RGL1: variants seen among roughly 807,000 people sequenced by gnomAD.
RGL1 encodes the protein ral guanine nucleotide dissociation stimulator-like 1.
Under a neutral mutation model 95.2 loss-of-function variants are expected in RGL1, and 24 were observed. The observed-to-expected ratio is 0.25, with a 90% confidence interval of 0.18 to 0.35. The LOEUF (loss-of-function observed/expected upper bound fraction) is 0.35. Among genes scored for constraint, RGL1 ranks in the 10% least tolerant of loss-of-function variants. RGL1 has a pLI of 1.00. For synonymous variants in RGL1, 329 were observed against 344.9 expected (o/e 0.95, Z 0.51); for missense variants, 715 against 936.3 (o/e 0.76, Z 3.08).
At chr1:183,772,376 C>T (rs2102332908) in intron 2 of RGL1, among the ~76,000 whole-genome samples, 1 of 152,306 alleles carries the variant, frequency 6.6e-6, no homozygotes, top group East Asian at 1.9e-4. Context: ...AAGAAGCGAG[C>T]CACACCTCCG....
upstream of RGL1, among the ~76,000 whole-genome samples, chr1:183,804,837 T>C (rs1215785438): frequency 3.9e-5 from 6 of 152,250 alleles, no homozygotes; most frequent in Non-Finnish European, 7.3e-5. Context: ...TTGGACTTTC[T>C]CCTTCCATTG....
chr1:183,665,830 A>G lies in RGL1; in HGVS notation c.-33+29329A>G, dbSNP rs552205010. Among the ~76,000 whole-genome samples, 64 of 152,180 alleles carry G rather than the reference A, an allele frequency of 4.2e-4. 1 individual carries two copies. The highest frequency in any genetic ancestry group is 4.1e-3 in the Admixed American group (63 of 15,282). ...GATTTTATTGATCTAAAGAAAACCT[A>G]TCAGCTTTCGGTTTAATGATTTTCT... On this transcript the variant is annotated intron_variant, in intron 1 of 18. Coordinates refer to the RGL1 transcript ENST00000304685.
chr1:183,715,893 T>C (rs926616321), intron 1 of RGL1, among the ~76,000 whole-genome samples: 2 of 152,110 alleles, frequency 1.3e-5, no homozygotes, highest in Non-Finnish European at 2.9e-5. Flanking sequence ...GATGTTGTAG[T>C]TCTAGTGCAA....
chr1:183,883,683 G>T, intron 5 of RGL1, 103 bp from the exon 6 acceptor site: 2 of 1,309,102 alleles, frequency 1.5e-6, no homozygotes, highest in Non-Finnish European at 2.1e-6. Flanking sequence ...TGTTCTGGAG[G>T]ATTGGCCCTC....
At chr1:183,742,713 G>GGT (rs373037051) in intron 2 of RGL1, among the ~76,000 whole-genome samples, 2 of 151,830 alleles carry the variant, frequency 1.3e-5, no homozygotes, top group Non-Finnish European at 2.9e-5. Context: ...ATTTGTGGGG[G>GGT]GTGTGTGTGT....
intron 1 of RGL1, among the ~76,000 whole-genome samples, chr1:183,732,797 T>TA (rs376179638): frequency 7.2e-5 from 11 of 152,302 alleles, no homozygotes; most frequent in African/African-American, 2.4e-4. Flanking sequence ...TCTAATTGAG[T>TA]AACCATTGAA....
At chr1:183,757,620 A>G (rs1471159916) in intron 2 of RGL1, among the ~76,000 whole-genome samples, 2 of 152,192 alleles carry the variant, frequency 1.3e-5, no homozygotes, top group Non-Finnish European at 2.9e-5. Flanking sequence ...GAATATTGAG[A>G]CTGAATAATA....
chr1:183,653,271 G>C (rs1650902603), intron 1 of RGL1: 3 of 152,248 alleles, frequency 2.0e-5, no homozygotes, highest in Non-Finnish European at 1.5e-5. Flanking sequence ...GCTGTTCCAA[G>C]TTAGAAAGCC....
In RGL1 at chr1:183,841,440, T is replaced by C. The variant is rs370547163; in HGVS notation, c.139-6126T>C. ...AAGTGACTTCCCACCCAATATTAGGTTAGCACAAAGGTGATTGTGACAAGT... is the reference window on the plus strand; with the variant it reads ...AAGTGACTTCCCACCCAATATTAGGCTAGCACAAAGGTGATTGTGACAAGT... On this transcript the variant is annotated intron_variant, in intron 2 of 17. Transcript: ENST00000360851. Among the ~76,000 whole-genome samples, 4 of 152,238 alleles carry C rather than the reference T, an allele frequency of 2.6e-5. No homozygotes were observed. The East Asian group carries it at 7.7e-4, about 29-fold the overall frequency.
intron 10 of RGL1, among the ~76,000 whole-genome samples, chr1:183,899,927 C>T (rs1667920713): frequency 6.6e-6 from 1 of 152,168 alleles, no homozygotes; most frequent in African/African-American, 2.4e-5. Context: ...TGTATGATCT[C>T]CTGGCTTTGA....
At chr1:183,777,788 T>C (rs1389918649) in intron 2 of RGL1, among the ~76,000 whole-genome samples, 1 of 152,216 alleles carries the variant, frequency 6.6e-6, no homozygotes, top group Non-Finnish European at 1.5e-5. Context: ...TCCTGGCCAT[T>C]AGCTTTTAAT....
At position 183,922,346 on chromosome 1, in the gene RGL1, C is replaced by A; in HGVS notation, c.2119+10C>A. The A allele has an allele frequency of 6.2e-7, 1 of 1,601,704 alleles. No individual in the cohort carries two copies. Among genetic ancestry groups the A allele is most frequent in the Non-Finnish European group, 8.5e-7 (1 of 1,170,054 alleles). ...ATCTCGGAGGACAAAGGTGGGCATC[C>A]TTCCGAGACAGGCATGTTCCTTCCC... On this transcript the variant is annotated intron_variant, in intron 17 of 17. Coordinates refer to ENST00000360851, the MANE Select transcript of RGL1 (RefSeq NM_001297671.3).
At chr1:183,720,920 G>C (rs1655981826) in intron 1 of RGL1, among the ~76,000 whole-genome samples, 1 of 152,154 alleles carries the variant, frequency 6.6e-6, no homozygotes. Flanking sequence ...GACTTGGAGA[G>C]AGCTCTGATT....
At chr1:183,819,375 A>C (rs909085698) in intron 2 of RGL1, among the ~76,000 whole-genome samples, 2 of 152,156 alleles carry the variant, frequency 1.3e-5, no homozygotes, top group African/African-American at 4.8e-5. Context: ...GCAAAAGGAG[A>C]CTTAATAAGT....
At chr1:183,780,613 T>C (rs973622996) in intron 2 of RGL1, among the ~76,000 whole-genome samples, 9 of 152,240 alleles carry the variant, frequency 5.9e-5, no homozygotes, top group African/African-American at 2.2e-4. Context: ...AAAGTCATGC[T>C]TATTTTATAG....
intron 2 of RGL1, among the ~76,000 whole-genome samples, chr1:183,773,798 C>T (rs1442537047): frequency 6.6e-6 from 1 of 152,036 alleles, no homozygotes. Flanking sequence ...AATGCAAGAA[C>T]AAATCTGAAT....
At chr1:183,802,623 C>T (rs1455916571), upstream of RGL1, among the ~76,000 whole-genome samples, 1 of 96,648 alleles carries the variant, frequency 1.0e-5, no homozygotes, top group Non-Finnish European at 2.4e-5. Context: ...AAAAAAAAAC[C>T]CTTATAAACT....
At chr1:183,820,572 T>C (rs981309683) in intron 2 of RGL1, among the ~76,000 whole-genome samples, 2 of 152,084 alleles carry the variant, frequency 1.3e-5, no homozygotes, top group African/African-American at 4.8e-5. Context: ...CTAGACATCA[T>C]TGCCACTCTC....
In RGL1 at chr1:183,847,770, G is replaced by C; in HGVS notation, c.343G>C (p.Asp115His). ...TAAAGAAGTGCTGGAACTACTGCTG[G>C]ACAGGTAAGAATGTAAAGGAGCTTT... ...STKEVLELLLDRYGNLTSPNC... is the reference protein window; with the variant it reads ...STKEVLELLLHRYGNLTSPNC... Residue 115 changes from aspartate to histidine, a missense_variant, in exon 3 of 18, where the codon GAC becomes CAC. This residue lies in a region of RGL1 where 381 missense variants were observed against 484.8 expected (regional missense o/e 0.79). Transcript: ENST00000360851. 6.2e-7 allele frequency: 1 copy of C among 1,613,222 alleles called. No individual in the cohort carries two copies. Among genetic ancestry groups the C allele is most frequent in the African/African-American group, 1.3e-5 (1 of 74,998 alleles).
Sources: allele counts gnomAD v4.1 joint callset (sites outside exome capture counted in the v4.1 genomes callset), GRCh38; gene constraint gnomAD v4.1.1; regional missense constraint gnomAD v4.1.1; transcripts MANE v1.5; gene names NCBI Gene and HGNC (gene_info 2026-07-23, HGNC 2026-07-21).